GPM6A: variants seen among roughly 807,000 people sequenced by gnomAD.
The protein encoded by GPM6A is neuronal membrane glycoprotein M6-a.
GPM6A carries 7 observed loss-of-function variants against 32.1 expected under a neutral mutation model. The observed-to-expected ratio is 0.22, with a 90% CI of 0.12 to 0.41. The LOEUF (loss-of-function observed/expected upper bound fraction) is 0.41. Among genes scored for constraint, GPM6A ranks in the 10% least tolerant of loss-of-function variants. The pLI is 1.00. For missense variants in GPM6A, 235 were observed against 347.2 expected (o/e 0.68, Z 2.57); for synonymous variants, 130 against 123.4 (o/e 1.05, Z -0.35).
intron 1 of GPM6A, among the ~76,000 whole-genome samples, chr4:175,934,230 C>G (rs1376898001): frequency 2.0e-5 from 3 of 152,100 alleles, no homozygotes; most frequent in Admixed American, 2.0e-4. Context: ...ATTTTTCCTC[C>G]TTAAAGTCGA....
chr4:175,957,788 T>C (rs1012208434), intron 1 of GPM6A, among the ~76,000 whole-genome samples: 3 of 152,322 alleles, frequency 2.0e-5, no homozygotes, highest in Admixed American at 2.0e-4. Flanking sequence ...AAAAACATCA[T>C]AATTTTTGTT....
At chr4:175,654,083 C>CA (rs1741946444) in intron 3 of GPM6A, 1 of 152,132 alleles carries the variant, frequency 6.6e-6, no homozygotes, top group Non-Finnish European at 1.5e-5. Flanking sequence ...CTCCAAGCGG[C>CA]AATACCCATT....
chr4:175,787,642 A>G (rs1484913803), intron 1 of GPM6A: 1 of 1,256,644 alleles, frequency 8.0e-7, no homozygotes, highest in African/African-American at 1.5e-5. Flanking sequence ...CTTTACTGAC[A>G]TAACTCTTCC....
intron 1 of GPM6A, among the ~76,000 whole-genome samples, chr4:175,843,863 T>A (rs1287652277): frequency 6.6e-6 from 1 of 152,158 alleles, no homozygotes; most frequent in Non-Finnish European, 1.5e-5. Context: ...CTCTGGGCCC[T>A]CCCTTTGAGG....
intron 2 of GPM6A, among the ~76,000 whole-genome samples, chr4:175,679,862 G>T (rs937508682): frequency 6.6e-6 from 1 of 152,008 alleles, no homozygotes; most frequent in Non-Finnish European, 1.5e-5. Flanking sequence ...CTAGCAATTT[G>T]TAAGAATACT....
chr4:175,937,098 G>A (rs1157097186), intron 1 of GPM6A, among the ~76,000 whole-genome samples: 1 of 151,978 alleles, frequency 6.6e-6, no homozygotes, highest in Non-Finnish European at 1.5e-5. Context: ...TCTTTTATTA[G>A]AATTAAAAAT....
chr4:175,658,274 G>A (rs112046788), intron 3 of GPM6A, among the ~76,000 whole-genome samples: 2,884 of 150,894 alleles, frequency 0.019, 89 homozygotes, highest in African/African-American at 0.066. Flanking sequence ...GAAAAGACAT[G>A]CAGAAATTTT....
intron 2 of GPM6A, among the ~76,000 whole-genome samples, chr4:175,687,826 C>G (rs1744072810): frequency 6.6e-6 from 1 of 152,190 alleles, no homozygotes; most frequent in Admixed American, 6.5e-5. Context: ...TATTCCCATA[C>G]TCACCCACAC....
chr4:175,884,823 C>T (rs570837043), intron 1 of GPM6A, among the ~76,000 whole-genome samples: 6 of 152,158 alleles, frequency 3.9e-5, no homozygotes, highest in East Asian at 3.9e-4. Flanking sequence ...GGTTAGCCAC[C>T]GTGCCAGGCC....
intron 1 of GPM6A, among the ~76,000 whole-genome samples, chr4:175,762,619 G>A (rs1732793663): frequency 6.6e-6 from 1 of 152,084 alleles, no homozygotes; most frequent in Admixed American, 6.6e-5. Context: ...TATTATTCAT[G>A]AATGTTATAA....
upstream of GPM6A, chr4:175,812,898 T>C: frequency 2.0e-6 from 2 of 984,138 alleles, no homozygotes; most frequent in Non-Finnish European, 2.4e-6. Flanking sequence ...AAGGATGCAG[T>C]TATACCATCT....
chr4:175,637,551 A>G (rs1352846487), intron 6 of GPM6A, among the ~76,000 whole-genome samples: 4 of 105,490 alleles, frequency 3.8e-5, no homozygotes, highest in South Asian at 4.9e-4. Flanking sequence ...TATATTATAT[A>G]TTATATAAAA....
chr4:175,713,480 G>A (rs901620854), intron 1 of GPM6A, among the ~76,000 whole-genome samples: 7 of 152,042 alleles, frequency 4.6e-5, no homozygotes, highest in Admixed American at 1.3e-4. Flanking sequence ...TGTGAGCCAC[G>A]GAGCCCTGCC....
chr4:175,763,290 G>T (rs1055479928), intron 1 of GPM6A, among the ~76,000 whole-genome samples: 1 of 152,126 alleles, frequency 6.6e-6, no homozygotes, highest in Admixed American at 6.6e-5. Context: ...GGGATTACAG[G>T]CATGAGCCAC....
At chr4:175,813,847 A>G (rs1394327866), upstream of GPM6A, among the ~76,000 whole-genome samples, 3 of 152,208 alleles carry the variant, frequency 2.0e-5, no homozygotes, top group Non-Finnish European at 2.9e-5. Context: ...ATCATTTGTT[A>G]TTATTTTCTC....
intron 1 of GPM6A, among the ~76,000 whole-genome samples, chr4:175,950,560 GTGGAAAAAAGTAGCTT>G (rs1739773807): frequency 6.6e-6 from 1 of 152,184 alleles, no homozygotes; most frequent in East Asian, 1.9e-4. Flanking sequence ...TGCTTCAAAA[GTGGAAAAAAGTAGCTT>G]TGGGGGAGTT....
chr4:175,759,790 A>C (rs1732668297), intron 1 of GPM6A, among the ~76,000 whole-genome samples: 1 of 152,218 alleles, frequency 6.6e-6, no homozygotes, highest in Non-Finnish European at 1.5e-5. Flanking sequence ...ATGAGGAATT[A>C]TGTATTAATG....
chr4:175,637,383 A>T (rs1740780471), intron 6 of GPM6A, among the ~76,000 whole-genome samples: 1 of 81,676 alleles, frequency 1.2e-5, no homozygotes, highest in Non-Finnish European at 2.1e-5. Context: ...TATATTATAT[A>T]ATATATAATA....
intron 1 of GPM6A, among the ~76,000 whole-genome samples, chr4:175,831,167 C>T (rs1415115304): frequency 6.6e-6 from 1 of 152,000 alleles, no homozygotes; most frequent in African/African-American, 2.4e-5. Context: ...TATTTAATTA[C>T]TGCAAATCCC....
Sources: gnomAD v4.1 joint callset for allele counts (sites outside exome capture counted in the v4.1 genomes callset) on GRCh38, gnomAD v4.1.1 for gene constraint, MANE v1.5 for transcripts, NCBI Gene and HGNC (gene_info 2026-07-23, HGNC 2026-07-21) for gene names.